The following NFIB variants were observed in gnomAD, a reference collection of about 807,000 sequenced individuals.
NFIB encodes the protein nuclear factor I B, also known as nuclear factor 1 B-type.
Under a neutral mutation model 61.5 loss-of-function variants are expected in NFIB, and 11 were observed. The ratio of observed to expected loss-of-function variants is 0.18; its 90% CI spans 0.11 to 0.30. NFIB has a LOEUF of 0.30. Ranked by LOEUF, NFIB falls within the 10% of genes least tolerant of loss-of-function variation. The probability of loss-of-function intolerance (pLI) is 1.00; values close to 1 mark genes in which losing one functional copy is unlikely to be tolerated. For missense variants in NFIB, 471 were observed against 608.9 expected (o/e 0.77, Z 2.38); for synonymous variants, 260 against 216.5 (o/e 1.20, Z -1.76).
At chr9:14,375,246 C>T (rs2061404476) in intron 1 of NFIB, among the ~76,000 whole-genome samples, 1 of 152,164 alleles carries the variant, frequency 6.6e-6, no homozygotes, top group Non-Finnish European at 1.5e-5. Context: ...CAGTCTTAGG[C>T]CATGATATCC....
intron 2 of NFIB, among the ~76,000 whole-genome samples, chr9:14,207,662 G>C (rs1368296368): frequency 6.6e-6 from 1 of 151,836 alleles, no homozygotes. Flanking sequence ...AAGTCCTGAA[G>C]CTTCACCACA....
chr9:14,409,934 A>G, the NFIB span, among the ~76,000 whole-genome samples: 18 of 152,310 alleles, frequency 1.2e-4, no homozygotes, highest in South Asian at 3.3e-3. Flanking sequence ...AAAAGAATGA[A>G]TGTTCAATAT....
intron 10 of NFIB, among the ~76,000 whole-genome samples, chr9:14,111,398 C>G (rs1366490565): frequency 6.6e-6 from 1 of 152,070 alleles, no homozygotes; most frequent in African/African-American, 2.4e-5. Flanking sequence ...TCAGAGTATT[C>G]TAACTAGCAT....
At chr9:14,104,450 A>G (rs190834540) in intron 10 of NFIB, among the ~76,000 whole-genome samples, 1 of 152,072 alleles carries the variant, frequency 6.6e-6, no homozygotes, top group African/African-American at 2.4e-5. Context: ...TTACTGTAAA[A>G]GTTTTAAAAG....
At chr9:14,178,138 A>AT (rs1423340140) in intron 3 of NFIB, among the ~76,000 whole-genome samples, 1 of 152,146 alleles carries the variant, frequency 6.6e-6, no homozygotes, top group Non-Finnish European at 1.5e-5. Context: ...CTCCCACCTC[A>AT]TTCTTTGTAA....
At chr9:14,418,378 A>G in the NFIB span, among the ~76,000 whole-genome samples, 2 of 152,218 alleles carry the variant, frequency 1.3e-5, no homozygotes, top group African/African-American at 4.8e-5. Flanking sequence ...CAGGGAAGTT[A>G]CATAATAGGT....
intron 2 of NFIB, among the ~76,000 whole-genome samples, chr9:14,262,776 T>C (rs2056886040): frequency 6.6e-6 from 1 of 151,872 alleles, no homozygotes; most frequent in South Asian, 2.1e-4. Context: ...TGTTTGTTTT[T>C]TGTTTATTTG....
chr9:14,285,386 T>TC (rs1227223044), intron 2 of NFIB, among the ~76,000 whole-genome samples: 3 of 152,214 alleles, frequency 2.0e-5, no homozygotes, highest in African/African-American at 7.2e-5. Context: ...CCTCCCAAAG[T>TC]GCTGGGATTA....
Position 14,377,088 on chromosome 9 carries a change from G to A in NFIB, c.108+21436C>T, listed in dbSNP as rs148396167. On this transcript the variant is annotated intron_variant, in intron 1 of 8. Transcript: ENST00000380934. ...CTCCATGAAGCAATAATAAGTAAACGGTTTGTGGGTATTATTGAAGAGATA... is the reference window on the plus strand; with the variant it reads ...CTCCATGAAGCAATAATAAGTAAACAGTTTGTGGGTATTATTGAAGAGATA... 3.5e-3 allele frequency among the ~76,000 whole-genome samples: 539 copies of A among 152,242 alleles called. 5 individuals carry two copies. Among genetic ancestry groups the A allele is most frequent in the African/African-American group, 0.012 (513 of 41,530 alleles).
chr9:14,515,718 G>C, the NFIB span, among the ~76,000 whole-genome samples: 68 of 152,246 alleles, frequency 4.5e-4, no homozygotes, highest in Non-Finnish European at 7.6e-4. Context: ...GCATATCCTC[G>C]GGGCCATGCG....
intron 2 of NFIB, among the ~76,000 whole-genome samples, chr9:14,241,116 C>A (rs902754096): frequency 1.3e-5 from 2 of 152,200 alleles, no homozygotes; most frequent in Non-Finnish European, 2.9e-5. Flanking sequence ...ACCTTTTAGG[C>A]AAATGAGGGG....
intron 4 of NFIB, among the ~76,000 whole-genome samples, chr9:14,153,403 C>T (rs556910008): frequency 2.4e-4 from 36 of 152,166 alleles, no homozygotes; most frequent in African/African-American, 7.9e-4. Flanking sequence ...TTACATCAGA[C>T]GCAAAGATCA....
chr9:14,092,529 T>C (rs1346804474), intron 10 of NFIB, among the ~76,000 whole-genome samples: 2 of 152,004 alleles, frequency 1.3e-5, no homozygotes, highest in Non-Finnish European at 2.9e-5. Context: ...CTATATTATA[T>C]TGCCTACACA....
intron 10 of NFIB, among the ~76,000 whole-genome samples, chr9:14,102,248 T>C (rs1290161767): frequency 6.6e-6 from 1 of 152,106 alleles, no homozygotes; most frequent in Non-Finnish European, 1.5e-5. Flanking sequence ...CCCAACTTAA[T>C]TTGACGTTCC....
chr9:14,280,468 T>C (rs141427116), intron 2 of NFIB, among the ~76,000 whole-genome samples: 7 of 152,290 alleles, frequency 4.6e-5, no homozygotes, highest in African/African-American at 1.7e-4. Context: ...TTTAAATACC[T>C]CAATCTTCTC....
At chr9:14,250,983 T>C (rs1307140404) in intron 2 of NFIB, among the ~76,000 whole-genome samples, 1 of 152,248 alleles carries the variant, frequency 6.6e-6, no homozygotes, top group Non-Finnish European at 1.5e-5. Flanking sequence ...TAAATGCTTG[T>C]AGTTTTTCAG....
intron 1 of NFIB, among the ~76,000 whole-genome samples, chr9:14,351,047 A>C (rs968316081): frequency 2.0e-5 from 3 of 152,276 alleles, no homozygotes; most frequent in Admixed American, 6.5e-5. Context: ...GTAGGAAATG[A>C]ATCAGCTGTG....
intron 2 of NFIB, among the ~76,000 whole-genome samples, chr9:14,245,158 A>G (rs1256675655): frequency 2.0e-5 from 3 of 152,298 alleles, no homozygotes; most frequent in Admixed American, 1.3e-4. Context: ...AACCTAGAAG[A>G]AAAAAACTGA....
At chr9:14,302,499 G>A (rs1387882667) in intron 2 of NFIB, among the ~76,000 whole-genome samples, 1 of 152,108 alleles carries the variant, frequency 6.6e-6, no homozygotes, top group East Asian at 1.9e-4. Context: ...AAGGCTAAAG[G>A]AAACTACTTT....
Sources: gnomAD v4.1 joint callset for allele counts (sites outside exome capture counted in the v4.1 genomes callset) on GRCh38, gnomAD v4.1.1 for gene constraint, MANE v1.5 for transcripts, NCBI Gene and HGNC (gene_info 2026-07-23, HGNC 2026-07-21) for gene names.